Variants in PIP4K2B observed in about 807,000 individuals in gnomAD.
PIP4K2B encodes the protein phosphatidylinositol 5-phosphate 4-kinase type-2 beta.
In PIP4K2B, 3 loss-of-function variants were observed where a neutral mutation model predicts 42.0. The observed-to-expected ratio is 0.07, with a 90% CI of 0.03 to 0.18. The LOEUF is 0.18. PIP4K2B is among the 10% of genes least tolerant of loss of function. The pLI is 1.00. For synonymous variants in PIP4K2B, 204 were observed against 210.1 expected (o/e 0.97, Z 0.25); for missense variants, 332 against 562.3 (o/e 0.59, Z 4.14).
intron 1 of PIP4K2B, among the ~76,000 whole-genome samples, chr17:38,789,347 T>C (rs907550074): frequency 2.6e-5 from 4 of 152,232 alleles, no homozygotes; most frequent in African/African-American, 9.7e-5. Flanking sequence ...AGTGGTCTAA[T>C]TAACCACAGA....
intron 1 of PIP4K2B, among the ~76,000 whole-genome samples, chr17:38,792,386 C>A (rs1420324986): frequency 3.3e-5 from 5 of 152,122 alleles, no homozygotes; most frequent in Admixed American, 6.6e-5. Context: ...TCAAGCAATC[C>A]ATCCACCTCA....
rs188406412 is a variant in PIP4K2B, at chr17:38,794,870, C to T, written c.159+4396G>A. The stretch of plus-strand genomic sequence containing the variant: ...ATCCCACCACTTTGGGAGGCCGAGG[C>T]GGGGGGATTGCTTGAGGCCAGGAGT... On this transcript the variant is annotated intron_variant, in intron 1 of 9. Coordinates refer to ENST00000619039, the MANE Select transcript of PIP4K2B (RefSeq NM_003559.5). 6.2e-3 allele frequency among the ~76,000 whole-genome samples: 936 copies of T among 151,258 alleles called. 17 individuals carry two copies. Among genetic ancestry groups the T allele is most frequent in the African/African-American group, 0.022 (906 of 41,148 alleles).
In PIP4K2B at chr17:38,779,467, G is replaced by T. The variant is rs1309097639; in HGVS notation, c.570C>A (p.Thr190=). The T allele has an allele frequency of 6.2e-7, 1 of 1,613,972 alleles. No homozygotes were observed. The highest frequency in any genetic ancestry group is 8.5e-7 in the Non-Finnish European group (1 of 1,179,870). ...LPQFLGMYRL[T]VDGVETYMVV... The stretch of plus-strand genomic sequence containing the variant: ...CCATGTAGGTTTCCACACCATCCAC[G>T]GTCAGGCGGTACATGCCCAGGAACT... The change falls in exon 5 of 10, where the codon ACC becomes ACA. Residue 190 remains threonine, a synonymous_variant. Transcript: ENST00000619039.
At chr17:38,777,827 G>C (rs1909449644) in intron 6 of PIP4K2B, 27 bp from the exon 7 acceptor site, 2 of 1,509,532 alleles carry the variant, frequency 1.3e-6, no homozygotes, top group Admixed American at 1.7e-5. Context: ...AGTTAGGCTG[G>C]GTAAGCCTGA....
chr17:38,779,251 T>C (rs1598048203), intron 5 of PIP4K2B, 132 bp downstream of exon 5: 2 of 845,694 alleles, frequency 2.4e-6, no homozygotes, highest in African/African-American at 1.7e-5. Context: ...ATCAGGCATA[T>C]CCACTCCAGA....
intron 1 of PIP4K2B, among the ~76,000 whole-genome samples, chr17:38,793,432 C>T (rs934330519): frequency 6.6e-6 from 1 of 151,650 alleles, no homozygotes; most frequent in Non-Finnish European, 1.5e-5. Flanking sequence ...TTAGTAGAGA[C>T]GGGGTTTCAC....
intron 7 of PIP4K2B, among the ~76,000 whole-genome samples, chr17:38,774,960 G>GTT (rs1909252552): frequency 6.6e-6 from 1 of 151,676 alleles, no homozygotes; most frequent in African/African-American, 2.4e-5. Context: ...GTGTGTGTGT[G>GTT]TGTTTTTGAG....
At chr17:38,775,632 C>T (rs1340142111) in intron 7 of PIP4K2B, among the ~76,000 whole-genome samples, 1 of 152,036 alleles carries the variant, frequency 6.6e-6, no homozygotes, top group Non-Finnish European at 1.5e-5. Flanking sequence ...CCGAGGCAGG[C>T]AGATCACGAG....
chr17:38,778,493 G>T (rs1355624247), intron 5 of PIP4K2B, 121 bp from the exon 6 acceptor site: 8 of 854,726 alleles, frequency 9.4e-6, no homozygotes, highest in Non-Finnish European at 1.6e-5. Context: ...GGGGCCAGGA[G>T]GCAGCACCTT....
At chr17:38,772,726 C>A (rs1909114921) in intron 7 of PIP4K2B, among the ~76,000 whole-genome samples, 2 of 152,120 alleles carry the variant, frequency 1.3e-5, no homozygotes, top group East Asian at 3.8e-4. Flanking sequence ...GGACTTCAGG[C>A]ATGCACCACC....
At chr17:38,770,670 C>G (rs1377328067) in intron 8 of PIP4K2B, 131 bp from the exon 9 acceptor site, 1 of 673,866 alleles carries the variant, frequency 1.5e-6, no homozygotes, top group African/African-American at 1.8e-5. Context: ...GAGAAAAGGA[C>G]CAGTGGAGTC....
intron 1 of PIP4K2B, among the ~76,000 whole-genome samples, chr17:38,793,441 A>G (rs1389873688): frequency 1.3e-4 from 19 of 142,782 alleles, no homozygotes; most frequent in Middle Eastern, 4.3e-3. Flanking sequence ...ACGGGGTTTC[A>G]CCATGTTGGC....
intron 1 of PIP4K2B, among the ~76,000 whole-genome samples, chr17:38,787,656 C>T (rs192368768): frequency 4.1e-4 from 63 of 152,284 alleles, no homozygotes; most frequent in Non-Finnish European, 4.1e-4. Context: ...TGCAATGGCA[C>T]GATCTCAGCT....
rs1329883930 is a variant in PIP4K2B at position 38,765,785 on chromosome 17, T to C, written c.*3906A>G. 1 of 152,658 alleles carries C rather than the reference T, an allele frequency of 6.6e-6. No individual in the cohort carries two copies. Among genetic ancestry groups the C allele is most frequent in the Non-Finnish European group, 1.5e-5 (1 of 68,042 alleles). 9.5% of individuals were successfully genotyped at this position (152,658 alleles called of 1,614,324 possible). A position where few individuals can be genotyped will look rare whatever the true frequency, so the allele number is the denominator to read the frequency against. On this transcript the variant is annotated 3_prime_UTR_variant, in exon 10 of 10. Transcript: ENST00000619039. ...AAACAGTAACAGGGTCTCAAACTTT[T>C]TAAAGCAGACGTTAGACAAGCACAG...
intron 3 of PIP4K2B, among the ~76,000 whole-genome samples, chr17:38,783,086 T>G (rs1342059041): frequency 7.0e-6 from 1 of 143,502 alleles, no homozygotes; most frequent in Non-Finnish European, 1.5e-5. Context: ...TCCCAGCTAC[T>G]CGGGAGGCTG....
intron 7 of PIP4K2B, among the ~76,000 whole-genome samples, chr17:38,774,238 A>T (rs1187670392): frequency 6.6e-6 from 1 of 152,146 alleles, no homozygotes; most frequent in Non-Finnish European, 1.5e-5. Flanking sequence ...ATGAGCATTG[A>T]ACTGGTGGAC....
intron 1 of PIP4K2B, among the ~76,000 whole-genome samples, chr17:38,789,213 A>G (rs1598055274): frequency 6.6e-6 from 1 of 152,362 alleles, no homozygotes; most frequent in South Asian, 2.1e-4. Context: ...CCTTGCCTCT[A>G]CTGCAAACAA....
intron 1 of PIP4K2B, among the ~76,000 whole-genome samples, chr17:38,790,196 C>T (rs1910270174): frequency 6.6e-6 from 1 of 152,084 alleles, no homozygotes. Context: ...CAAAAAAAAC[C>T]CCAGAAGAGT....
At chr17:38,777,902 G>A in intron 6 of PIP4K2B, 102 bp from the exon 7 acceptor site, 1 of 833,516 alleles carries the variant, frequency 1.2e-6, no homozygotes, top group Admixed American at 1.9e-5. Context: ...GGGAAGGAGG[G>A]GTTGTCAGTG....
Sources: gnomAD v4.1 joint callset for allele counts (sites outside exome capture counted in the v4.1 genomes callset) on GRCh38, gnomAD v4.1.1 for gene constraint, MANE v1.5 for transcripts, NCBI Gene and HGNC (gene_info 2026-07-23, HGNC 2026-07-21) for gene names.